SLC9C2: variants seen among roughly 807,000 people sequenced by gnomAD.
SLC9C2 encodes the protein sodium/hydrogen exchanger 11.
Under a neutral mutation model 140.2 loss-of-function variants are expected in SLC9C2, and 75 were observed. The observed-to-expected ratio is 0.53, with a 90% CI of 0.44 to 0.65. SLC9C2 has a LOEUF of 0.65. SLC9C2 is among the 30% of genes least tolerant of loss of function. The pLI is 0.00. For missense variants in SLC9C2, 1,074 were observed against 1,331.8 expected (o/e 0.81, Z 3.01); for synonymous variants, 375 against 420.9 (o/e 0.89, Z 1.34).
At position 173,550,842 on chromosome 1, in the gene SLC9C2, A is replaced by C. The variant is rs940876202; in HGVS notation, c.1298-2290T>G. 3.0e-5 allele frequency among the ~76,000 whole-genome samples: 4 copies of C among 134,596 alleles called. No individual in the cohort carries two copies. In the East Asian group the frequency reaches 9.3e-4, roughly 31 times the overall value. The allele number at this position is 134,596 out of a possible 152,430, so 88.3% of individuals were successfully genotyped here. On this transcript the variant is annotated intron_variant, in intron 11 of 27. Coordinates refer to ENST00000367714, the MANE Select transcript of SLC9C2 (RefSeq NM_178527.4). The stretch of plus-strand genomic sequence containing the variant: ...TGGAGGCTGAGCCCAGGAATTTGAG[A>C]CCAGCCTGGGCAAGATAGTGAGCCG...
chr1:173,511,769 G>T (rs916344520), intron 23 of SLC9C2, among the ~76,000 whole-genome samples: 2 of 152,264 alleles, frequency 1.3e-5, no homozygotes, highest in South Asian at 2.1e-4. Context: ...TTCTTCTAGG[G>T]TTTTTATGAT....
chr1:173,542,863 A>C (rs911207917), intron 13 of SLC9C2, among the ~76,000 whole-genome samples: 1 of 152,200 alleles, frequency 6.6e-6, no homozygotes, highest in African/African-American at 2.4e-5. Context: ...TGTATCTCAA[A>C]ATAATAAAAG....
At chr1:173,542,949 A>G (rs1210822060) in intron 13 of SLC9C2, among the ~76,000 whole-genome samples, 1 of 152,236 alleles carries the variant, frequency 6.6e-6, no homozygotes, top group Non-Finnish European at 1.5e-5. Context: ...AAACTGGCAC[A>G]AGACAGGGAT....
chr1:173,588,605 C>G (rs1665988026), intron 4 of SLC9C2, among the ~76,000 whole-genome samples: 1 of 151,926 alleles, frequency 6.6e-6, no homozygotes, highest in Admixed American at 6.6e-5. Flanking sequence ...TAACCTTGTT[C>G]TGAAATAAAC....
chr1:173,526,497 A>G (rs921566416), intron 19 of SLC9C2, among the ~76,000 whole-genome samples, 166 bp downstream of exon 19: 1 of 152,172 alleles, frequency 6.6e-6, no homozygotes, highest in African/African-American at 2.4e-5. Flanking sequence ...GTCAGGATCT[A>G]CTCATCTTTG....
At chr1:173,584,750 T>C (rs1665754327) in intron 5 of SLC9C2, among the ~76,000 whole-genome samples, 1 of 152,200 alleles carries the variant, frequency 6.6e-6, no homozygotes. Flanking sequence ...CTTCAAATTT[T>C]TTGTTCCTCC....
At chr1:173,507,108 G>T in intron 24 of SLC9C2, 67 bp from the exon 25 acceptor site, 2 of 1,211,240 alleles carry the variant, frequency 1.7e-6, no homozygotes, top group Non-Finnish European at 2.3e-6. Context: ...GAAGAAAACA[G>T]ATTTACTGAT....
chr1:173,538,881 T>C (rs1437270007), intron 13 of SLC9C2, among the ~76,000 whole-genome samples: 1 of 152,126 alleles, frequency 6.6e-6, no homozygotes, highest in African/African-American at 2.4e-5. Flanking sequence ...TGACTTAATA[T>C]CATAGGTAAA....
In SLC9C2 at chr1:173,521,277, A is replaced by G. The variant is rs767426346; in HGVS notation, c.2739+24T>C. ...CAAAATACATTTTAAGTAAAAAAAAAAAAAAAAATCAATAGTCCCTTACAA... is the reference window on the plus strand; with the variant it reads ...CAAAATACATTTTAAGTAAAAAAAAGAAAAAAAATCAATAGTCCCTTACAA... On this transcript the variant is annotated intron_variant, in intron 22 of 27. Coordinates refer to ENST00000367714, the MANE Select transcript of SLC9C2 (RefSeq NM_178527.4). The G allele has an allele frequency of 3.8e-5, 51 of 1,350,340 alleles. No individual in the cohort carries two copies. In the South Asian group the frequency reaches 7.1e-4, roughly 19 times the overall value. The allele number at this position is 1,350,340 out of a possible 1,614,324, so 83.6% of individuals were successfully genotyped here. A position where few individuals can be genotyped will look rare whatever the true frequency, so the allele number is the denominator to read the frequency against.
At chr1:173,584,288 C>T (rs1198642296) in intron 5 of SLC9C2, among the ~76,000 whole-genome samples, 1 of 152,086 alleles carries the variant, frequency 6.6e-6, no homozygotes, top group Non-Finnish European at 1.5e-5. Flanking sequence ...CATGAAATGT[C>T]CGTGATAGAC....
intron 23 of SLC9C2, among the ~76,000 whole-genome samples, chr1:173,512,167 A>ATT (rs1257500379): frequency 3.9e-5 from 6 of 152,282 alleles, no homozygotes; most frequent in African/African-American, 1.4e-4. Flanking sequence ...AATTTAAAAT[A>ATT]GTTTTTTCTA....
intron 21 of SLC9C2, 78 bp from the exon 22 acceptor site, chr1:173,521,477 C>CTATATATATATATA (rs146332693): frequency 2.1e-4 from 54 of 254,542 alleles, no homozygotes; most frequent in Non-Finnish European, 3.1e-4. Context: ...TAAATATTTT[C>CTATATATATATATA]TATATATATA....
At chr1:173,596,845 T>C (rs970456603) in intron 4 of SLC9C2, among the ~76,000 whole-genome samples, 2 of 151,942 alleles carry the variant, frequency 1.3e-5, no homozygotes, top group African/African-American at 4.8e-5. Context: ...TTATTTGGGA[T>C]AAAAGGTAAC....
chr1:173,518,584 C>A (rs1238837946), intron 22 of SLC9C2, among the ~76,000 whole-genome samples: 2 of 152,102 alleles, frequency 1.3e-5, no homozygotes, highest in Non-Finnish European at 2.9e-5. Context: ...GGAGAAAGAA[C>A]CGCGGTATCA....
At chr1:173,587,868 T>A (rs756095489) in intron 4 of SLC9C2, 38 bp from the exon 5 acceptor site, 1 of 1,499,944 alleles carries the variant, frequency 6.7e-7, no homozygotes, top group South Asian at 1.3e-5. Context: ...AGACTTAACA[T>A]CTAAAGATGG....
intron 9 of SLC9C2, among the ~76,000 whole-genome samples, chr1:173,562,838 T>A (rs961834616): frequency 6.6e-6 from 1 of 152,160 alleles, no homozygotes; most frequent in Non-Finnish European, 1.5e-5. Flanking sequence ...AATCTAAGAA[T>A]GTTGTAGAGA....
chr1:173,591,944 T>A (rs1049762483), intron 4 of SLC9C2, among the ~76,000 whole-genome samples: 9 of 152,214 alleles, frequency 5.9e-5, no homozygotes, highest in Admixed American at 6.5e-5. Context: ...ATTTGCTTGT[T>A]CCTATGTCCA....
chr1:173,503,056 G>A (rs1488272085), intron 27 of SLC9C2, among the ~76,000 whole-genome samples: 1 of 152,092 alleles, frequency 6.6e-6, no homozygotes, highest in African/African-American at 2.4e-5. Flanking sequence ...ATGGGGTGGG[G>A]CAAAATTACA....
rs778830331 is a variant in SLC9C2 at position 173,573,211 on chromosome 1, G to A, written c.1017C>T (p.Phe339=). The A allele has an allele frequency of 2.2e-5, 34 of 1,561,718 alleles. No individual in the cohort carries two copies. Among genetic ancestry groups the A allele is most frequent in the Non-Finnish European group, 3.0e-5 (34 of 1,142,678 alleles). ...CCAAATTCACTGTTGTAAATAAAAT[G>A]AATATGAAAGGTATAGTGTGAAATT... ...HYEFHTIPFI[F]ILFTTVNLVR... The change falls in exon 9 of 28, where the codon TTC becomes TTT. Residue 339 remains phenylalanine, a synonymous_variant. Transcript: ENST00000367714.
Sources: gnomAD v4.1 joint callset for allele counts (sites outside exome capture counted in the v4.1 genomes callset) on GRCh38, gnomAD v4.1.1 for gene constraint, MANE v1.5 for transcripts, NCBI Gene and HGNC (gene_info 2026-07-23, HGNC 2026-07-21) for gene names.